The following ENPP2 variants were observed in gnomAD, a reference collection of about 807,000 sequenced individuals.
ENPP2 encodes the protein autotaxin.
Under a neutral mutation model 120.2 loss-of-function variants are expected in ENPP2, and 51 were observed. The observed-to-expected ratio is 0.42, with a 90% CI of 0.34 to 0.54. The LOEUF (loss-of-function observed/expected upper bound fraction) is 0.54. Among genes scored for constraint, ENPP2 ranks in the 20% least tolerant of loss-of-function variants. The probability of loss-of-function intolerance (pLI) is 0.04; values close to 1 mark genes in which losing one functional copy is unlikely to be tolerated. For missense variants in ENPP2, 920 were observed against 1,066.5 expected (o/e 0.86, Z 1.91); for synonymous variants, 365 against 366.4 (o/e 1.00, Z 0.04).
intron 24 of ENPP2, among the ~76,000 whole-genome samples, chr8:119,559,790 A>G (rs1329224659): frequency 6.6e-6 from 1 of 152,238 alleles, no homozygotes; most frequent in Admixed American, 6.5e-5. Flanking sequence ...CATTATGGAC[A>G]TTGATTCTTC....
chr8:119,588,883 C>T (rs191957589), intron 13 of ENPP2, among the ~76,000 whole-genome samples: 5 of 152,278 alleles, frequency 3.3e-5, no homozygotes. Flanking sequence ...GGCTAACAGT[C>T]CTCATTTTGT....
chr8:119,607,561 G>GCCACTTGGGAGGCTGAGGCAGGAGAA (rs1563727070), intron 9 of ENPP2, among the ~76,000 whole-genome samples: 1 of 152,014 alleles, frequency 6.6e-6, no homozygotes, highest in Admixed American at 6.6e-5. Flanking sequence ...TGTAATTCCA[G>GCCACTTGGGAGGCTGAGGCAGGAGAA]CCACTTGGGA....
chr8:119,643,558 G>A (rs1817345308), upstream of ENPP2, among the ~76,000 whole-genome samples: 1 of 151,118 alleles, frequency 6.6e-6, no homozygotes, highest in African/African-American at 2.4e-5. Context: ...ACTCCCTATG[G>A]AATCTACACA....
intron 1 of ENPP2, among the ~76,000 whole-genome samples, chr8:119,666,475 A>G (rs1462581548): frequency 2.0e-5 from 3 of 152,136 alleles, no homozygotes; most frequent in Non-Finnish European, 4.4e-5. Context: ...TCACATTATA[A>G]AAAGACAATT....
At chr8:119,658,028 A>G (rs994331300) in intron 1 of ENPP2, among the ~76,000 whole-genome samples, 1 of 152,236 alleles carries the variant, frequency 6.6e-6, no homozygotes, top group African/African-American at 2.4e-5. Context: ...CCTTCACGGC[A>G]ACACAATACA....
chr8:119,582,211 T>C (rs1226795616), intron 18 of ENPP2, among the ~76,000 whole-genome samples: 1 of 152,252 alleles, frequency 6.6e-6, no homozygotes, highest in Admixed American at 6.5e-5. Context: ...ACCTGTGCTA[T>C]TCAATATGGT....
chr8:119,641,076 C>T (rs576884552), upstream of ENPP2, among the ~76,000 whole-genome samples: 5 of 152,242 alleles, frequency 3.3e-5, no homozygotes, highest in African/African-American at 1.2e-4. Context: ...AACCGTTCTG[C>T]CAAAGAACTT....
chr8:119,669,690 T>C (rs1005155510), intron 1 of ENPP2, among the ~76,000 whole-genome samples: 1 of 152,236 alleles, frequency 6.6e-6, no homozygotes, highest in African/African-American at 2.4e-5. Flanking sequence ...TGACTTGTCA[T>C]GAACCCACTG....
chr8:119,670,241 A>G (rs985302049), intron 1 of ENPP2, among the ~76,000 whole-genome samples: 2 of 152,278 alleles, frequency 1.3e-5, no homozygotes, highest in Middle Eastern at 3.4e-3. Flanking sequence ...GAGCTGATAG[A>G]CCCACAGACT....
At chr8:119,579,793 T>C (rs1812601793) in intron 19 of ENPP2, among the ~76,000 whole-genome samples, 1 of 152,160 alleles carries the variant, frequency 6.6e-6, no homozygotes, top group South Asian at 2.1e-4. Flanking sequence ...CTATTATTTA[T>C]CATTGTGACT....
At chr8:119,597,515 C>G (rs1245277580) in intron 11 of ENPP2, among the ~76,000 whole-genome samples, 1 of 152,122 alleles carries the variant, frequency 6.6e-6, no homozygotes, top group Non-Finnish European at 1.5e-5. Flanking sequence ...CACTGACCAG[C>G]CATACTTTAG....
chr8:119,670,627 C>T (rs1818213069), intron 1 of ENPP2, among the ~76,000 whole-genome samples: 1 of 152,166 alleles, frequency 6.6e-6, no homozygotes, highest in South Asian at 2.1e-4. Context: ...GAGAGGGCCA[C>T]CTAACCCATT....
chr8:119,599,827 C>A (rs367701049), intron 11 of ENPP2, among the ~76,000 whole-genome samples: 2 of 151,970 alleles, frequency 1.3e-5, no homozygotes, highest in African/African-American at 4.8e-5. Flanking sequence ...CACAACATGG[C>A]GGAAGCCTGT....
intron 3 of ENPP2, among the ~76,000 whole-genome samples, chr8:119,621,928 T>G (rs933860535): frequency 6.6e-6 from 1 of 152,034 alleles, no homozygotes; most frequent in Non-Finnish European, 1.5e-5. Flanking sequence ...TTATTTTTAT[T>G]TTATTTATTT....
chr8:119,590,417 C>T, intron 13 of ENPP2, 88 bp downstream of exon 13: 2 of 1,085,510 alleles, frequency 1.8e-6, no homozygotes, highest in South Asian at 4.3e-5. Flanking sequence ...AGAATTTTTA[C>T]CCAAGTATTT....
chr8:119,575,432 T>C (rs1293401228), intron 19 of ENPP2, among the ~76,000 whole-genome samples: 2 of 152,124 alleles, frequency 1.3e-5, no homozygotes, highest in African/African-American at 4.8e-5. Flanking sequence ...ATCTAGTATT[T>C]CAGAAGCAAC....
At chr8:119,575,036 A>G (rs1002312240) in intron 19 of ENPP2, among the ~76,000 whole-genome samples, 2 of 152,186 alleles carry the variant, frequency 1.3e-5, no homozygotes, top group Non-Finnish European at 2.9e-5. Flanking sequence ...ATCTCCAACA[A>G]TGCCCATCAC....
intron 11 of ENPP2, among the ~76,000 whole-genome samples, chr8:119,598,782 AGGAGGGTTAAAT>A (rs1419483282): frequency 6.6e-6 from 1 of 152,216 alleles, no homozygotes; most frequent in African/African-American, 2.4e-5. Context: ...CCTGGACTGC[AGGAGGGTTAAAT>A]GGTTCCATGG....
chr8:119,620,988 C>T (rs1815854067), intron 4 of ENPP2, among the ~76,000 whole-genome samples: 1 of 152,138 alleles, frequency 6.6e-6, no homozygotes, highest in Non-Finnish European at 1.5e-5. Flanking sequence ...GAGAGCATGT[C>T]CTCACTTGTC....
Sources: allele counts gnomAD v4.1 joint callset (sites outside exome capture counted in the v4.1 genomes callset), GRCh38; gene constraint gnomAD v4.1.1; transcripts MANE v1.5; gene names NCBI Gene and HGNC (gene_info 2026-07-23, HGNC 2026-07-21).